Variants in ANKRD44 observed in about 807,000 individuals in gnomAD.
The protein encoded by ANKRD44 is serine/threonine-protein phosphatase 6 regulatory ankyrin repeat subunit B.
A neutral mutation model predicts 116.0 loss-of-function variants in ANKRD44; 35 were observed. The ratio of observed to expected loss-of-function variants is 0.30; its 90% CI spans 0.23 to 0.40. The LOEUF (loss-of-function observed/expected upper bound fraction) is 0.40, where lower values mean the gene tolerates loss of function less well. Among genes scored for constraint, ANKRD44 ranks in the 10% least tolerant of loss-of-function variants. The pLI is 1.00. For synonymous variants in ANKRD44, 435 were observed against 461.8 expected (o/e 0.94, Z 0.74); for missense variants, 1,014 against 1,242.6 (o/e 0.82, Z 2.77).
chr2:197,177,195 T>C (rs2080385881), intron 2 of ANKRD44, among the ~76,000 whole-genome samples: 1 of 152,238 alleles, frequency 6.6e-6, no homozygotes, highest in South Asian at 2.1e-4. Flanking sequence ...ATTTTTCTGA[T>C]TACGTTTTTT....
intron 18 of ANKRD44, among the ~76,000 whole-genome samples, chr2:197,012,298 T>C (rs1026164729): frequency 1.1e-4 from 16 of 152,180 alleles, no homozygotes; most frequent in African/African-American, 3.6e-4. Context: ...TTGTTCTTCA[T>C]TGTTTACCTG....
chr2:197,117,730 T>C (rs2078746683), intron 8 of ANKRD44, among the ~76,000 whole-genome samples: 1 of 152,048 alleles, frequency 6.6e-6, no homozygotes, highest in South Asian at 2.1e-4. Context: ...TCCCACCAAG[T>C]CTTGCTGATT....
chr2:197,310,523 G>C (rs2084223516), intron 1 of ANKRD44, 55 bp downstream of exon 1: 1 of 1,014,982 alleles, frequency 9.9e-7, no homozygotes, highest in Non-Finnish European at 1.2e-6. Context: ...CCCCCGCCGG[G>C]CTCCGCGCCG....
Position 196,987,678 on chromosome 2 carries a change from G to A in ANKRD44, c.*1913C>T. On this transcript the variant is annotated 3_prime_UTR_variant, in exon 28 of 28. Coordinates refer to ENST00000282272, the MANE Select transcript of ANKRD44 (RefSeq NM_001195144.2). ...AGCTATTTACTGTAGAATCATAGCA[G>A]ATTTTAGGCAATTTGGAGATAGTAA... The A allele has an allele frequency of 3.0e-6, 3 of 985,438 alleles. No homozygotes were observed. Among genetic ancestry groups the A allele is most frequent in the Non-Finnish European group, 3.6e-6 (3 of 829,922 alleles). 61.0% of individuals were successfully genotyped at this position (985,438 alleles called of 1,614,324 possible). A position where few individuals can be genotyped will look rare whatever the true frequency, so the allele number is the denominator to read the frequency against.
intron 16 of ANKRD44, among the ~76,000 whole-genome samples, chr2:197,068,871 A>T (rs1460877362): frequency 1.3e-5 from 2 of 152,224 alleles, no homozygotes; most frequent in African/African-American, 2.4e-5. Context: ...TAGTTCAACC[A>T]TTGTGGAAGA....
chr2:197,011,441 G>C (rs1411171898), intron 18 of ANKRD44, among the ~76,000 whole-genome samples: 1 of 151,110 alleles, frequency 6.6e-6, no homozygotes, highest in Non-Finnish European at 1.5e-5. Context: ...TTTTGGTACA[G>C]TAGCTTTTTG....
chr2:197,287,032 A>G (rs1256574277), intron 1 of ANKRD44, among the ~76,000 whole-genome samples: 1 of 152,178 alleles, frequency 6.6e-6, no homozygotes, highest in Non-Finnish European at 1.5e-5. Flanking sequence ...ATGTCATTAT[A>G]CATTTGTCAA....
intron 16 of ANKRD44, among the ~76,000 whole-genome samples, chr2:197,075,272 A>G (rs2077642155): frequency 4.6e-5 from 7 of 152,218 alleles, no homozygotes; most frequent in Admixed American, 4.6e-4. Context: ...AAATAAACCA[A>G]TATAAACTCA....
At chr2:197,142,969 A>G (rs1029658759) in intron 3 of ANKRD44, among the ~76,000 whole-genome samples, 1 of 151,044 alleles carries the variant, frequency 6.6e-6, no homozygotes, top group African/African-American at 2.4e-5. Flanking sequence ...GCAAGACCCC[A>G]TCTTAAAAAA....
At chr2:197,061,328 G>T (rs894688552) in intron 16 of ANKRD44, among the ~76,000 whole-genome samples, 1 of 152,162 alleles carries the variant, frequency 6.6e-6, no homozygotes, top group Non-Finnish European at 1.5e-5. Context: ...CTGAGTTGTC[G>T]GGTGGGGACT....
intron 16 of ANKRD44, among the ~76,000 whole-genome samples, chr2:197,037,252 TTGA>T (rs1553491767): frequency 6.6e-6 from 1 of 152,252 alleles, no homozygotes; most frequent in Non-Finnish European, 1.5e-5. Context: ...TAAATTTCTA[TTGA>T]AAAGTGAAAT....
Position 197,122,737 on chromosome 2 carries a change from C to T in ANKRD44, c.606G>A (p.Lys202=). The change falls in exon 7 of 28, where the codon AAG becomes AAA. Residue 202 remains lysine (K), a synonymous_variant. Transcript: ENST00000282272. ...GCAGAGGGGTATAACCCTTCTTATC[C>T]TTACAGGTCACTTCTGCGCCATGGT... is the stretch of plus-strand genomic sequence containing the variant. ...LINHGAEVTC[K]DKKGYTPLHA... is the part of the protein sequence containing the mutation. 1.2e-6 allele frequency: 2 copies of T among 1,614,216 alleles called. No individual in the cohort carries two copies. Among genetic ancestry groups the T allele is most frequent in the Non-Finnish European group, 1.7e-6 (2 of 1,180,034 alleles).
chr2:197,062,435 G>A (rs2077335173), intron 16 of ANKRD44, among the ~76,000 whole-genome samples: 1 of 152,208 alleles, frequency 6.6e-6, no homozygotes. Context: ...TACTCAGGAA[G>A]ACAACATCCG....
intron 9 of ANKRD44, among the ~76,000 whole-genome samples, chr2:197,100,152 T>C (rs941251596): frequency 7.9e-5 from 12 of 152,218 alleles, no homozygotes; most frequent in African/African-American, 2.9e-4. Flanking sequence ...GAGATGCTTT[T>C]GAGGCCGGGC....
At chr2:196,984,780 T>C (rs562757417), downstream of ANKRD44, among the ~76,000 whole-genome samples, 51 of 152,320 alleles carry the variant, frequency 3.3e-4, no homozygotes, top group African/African-American at 1.1e-3. Flanking sequence ...TCCTTAGCAA[T>C]GACTGGGAAG....
chr2:197,086,393 A>C (rs1249448393), intron 13 of ANKRD44, among the ~76,000 whole-genome samples: 3 of 152,134 alleles, frequency 2.0e-5, no homozygotes, highest in Admixed American at 6.5e-5. Flanking sequence ...CTAGAAACAG[A>C]ATTTTCCAAA....
chr2:197,207,847 A>G (rs2081241860), intron 1 of ANKRD44, among the ~76,000 whole-genome samples: 4 of 152,232 alleles, frequency 2.6e-5, no homozygotes, highest in Non-Finnish European at 5.9e-5. Flanking sequence ...AGGAAGACAC[A>G]TACGAGTTCT....
chr2:197,249,349 A>T (rs2082267579), intron 1 of ANKRD44, among the ~76,000 whole-genome samples: 1 of 152,220 alleles, frequency 6.6e-6, no homozygotes, highest in African/African-American at 2.4e-5. Context: ...AGTAATTTTT[A>T]TCAAGTCACT....
At chr2:197,289,674 C>G (rs1183649369) in intron 1 of ANKRD44, among the ~76,000 whole-genome samples, 1 of 152,172 alleles carries the variant, frequency 6.6e-6, no homozygotes, top group Non-Finnish European at 1.5e-5. Flanking sequence ...TAGTAACAGA[C>G]AGCAGATCAG....
Sources: gnomAD v4.1 joint callset for allele counts (sites outside exome capture counted in the v4.1 genomes callset) on GRCh38, gnomAD v4.1.1 for gene constraint, MANE v1.5 for transcripts, NCBI Gene and HGNC (gene_info 2026-07-23, HGNC 2026-07-21) for gene names.